The following RP1 variants were observed in gnomAD, a reference collection of about 807,000 sequenced individuals.
RP1 encodes RP1 axonemal microtubule associated, also known as oxygen-regulated protein 1.
In RP1, 16 loss-of-function variants were observed where a neutral mutation model predicts 14.8. The ratio of observed to expected loss-of-function variants is 1.08; its 90% CI spans 0.73 to 1.65. RP1 has a LOEUF of 1.65. Ranked by LOEUF, RP1 falls within the 40% of genes most tolerant of loss-of-function variation. RP1 has a pLI of 0.00. For missense variants in RP1, 2,631 were observed against 2,535.0 expected, an observed-to-expected ratio of 1.04 and a Z score of -0.81; for synonymous variants, 876 against 883.6, an observed-to-expected ratio of 0.99 and a Z score of 0.15.
intron 12 of RP1, among the ~76,000 whole-genome samples, chr8:54,698,398 A>G (rs1344333843): frequency 6.6e-6 from 1 of 152,212 alleles, no homozygotes; most frequent in East Asian, 1.9e-4. Context: ...CAGATACTGG[A>G]GAGGATGTGG....
At chr8:54,752,476 T>G (rs1384127714) in intron 19 of RP1, among the ~76,000 whole-genome samples, 2 of 152,106 alleles carry the variant, frequency 1.3e-5, no homozygotes, top group African/African-American at 4.8e-5. Context: ...ATCCCCTAAT[T>G]GTTTATTTTT....
intron 6 of RP1, among the ~76,000 whole-genome samples, chr8:54,659,404 G>C (rs1446254372): frequency 1.3e-5 from 2 of 152,104 alleles, no homozygotes; most frequent in Non-Finnish European, 2.9e-5. Flanking sequence ...TATCTATATT[G>C]ATGTAAGATA....
intron 12 of RP1, among the ~76,000 whole-genome samples, chr8:54,689,154 A>T (rs1475783412): frequency 1.3e-5 from 2 of 152,072 alleles, no homozygotes; most frequent in Non-Finnish European, 2.9e-5. Flanking sequence ...ATTTTTTTAC[A>T]TTGATTTTGT....
chr8:54,609,755 C>T (rs1805547747), intron 1 of RP1, among the ~76,000 whole-genome samples: 1 of 152,156 alleles, frequency 6.6e-6, no homozygotes, highest in Non-Finnish European at 1.5e-5. Context: ...CCTCTACCAG[C>T]ATCACTGCCT....
intron 1 of RP1, among the ~76,000 whole-genome samples, chr8:54,590,154 G>A (rs1195512924): frequency 6.6e-6 from 1 of 152,088 alleles, no homozygotes; most frequent in Non-Finnish European, 1.5e-5. Context: ...CCCTGTCTTG[G>A]AAAATCTATT....
intron 24 of RP1, among the ~76,000 whole-genome samples, chr8:54,833,816 A>T (rs1811594074): frequency 6.6e-6 from 1 of 152,088 alleles, no homozygotes; most frequent in African/African-American, 2.4e-5. Flanking sequence ...ACATTTTCCC[A>T]GTTACTGGGG....
intron 1 of RP1, among the ~76,000 whole-genome samples, chr8:54,603,344 T>C (rs1689067385): frequency 6.6e-6 from 1 of 152,068 alleles, no homozygotes; most frequent in Non-Finnish European, 1.5e-5. Flanking sequence ...GATCAGATGG[T>C]TGTAGATATG....
intron 12 of RP1, among the ~76,000 whole-genome samples, chr8:54,686,830 A>G (rs528472047): frequency 6.6e-6 from 1 of 152,174 alleles, no homozygotes; most frequent in Non-Finnish European, 1.5e-5. Context: ...AGTTTTTTTA[A>G]TTTTATAATA....
intron 1 of RP1, among the ~76,000 whole-genome samples, chr8:54,582,099 T>C (rs931232846): frequency 6.6e-6 from 1 of 152,224 alleles, no homozygotes; most frequent in African/African-American, 2.4e-5. Flanking sequence ...CTGAATGGTA[T>C]TGCCTAGGTT....
intron 1 of RP1, among the ~76,000 whole-genome samples, chr8:54,596,335 T>C (rs554650947): frequency 6.6e-6 from 1 of 152,332 alleles, no homozygotes; most frequent in South Asian, 2.1e-4. Context: ...ATCACAACTG[T>C]AAATCTACAA....
intron 1 of RP1, among the ~76,000 whole-genome samples, chr8:54,602,889 T>G (rs1016156102): frequency 4.6e-5 from 7 of 152,098 alleles, no homozygotes; most frequent in African/African-American, 1.7e-4. Flanking sequence ...GGGTTGTTTG[T>G]TTTTTTCTTG....
chr8:54,753,433 G>A (rs1809422402), intron 19 of RP1, among the ~76,000 whole-genome samples: 2 of 152,178 alleles, frequency 1.3e-5, no homozygotes, highest in South Asian at 4.1e-4. Context: ...GGATCACAAA[G>A]TAGGGTTACT....
intron 25 of RP1, among the ~76,000 whole-genome samples, chr8:54,839,603 C>T (rs1811744526): frequency 1.3e-5 from 2 of 152,126 alleles, no homozygotes; most frequent in African/African-American, 2.4e-5. Context: ...TTCTTTGAAC[C>T]CTCCCTGTCC....
At chr8:54,721,252 C>T (rs1383794688) in intron 16 of RP1, among the ~76,000 whole-genome samples, 1 of 152,202 alleles carries the variant, frequency 6.6e-6, no homozygotes, top group African/African-American at 2.4e-5. Context: ...TTACTGCCAT[C>T]CATACCACCA....
intron 26 of RP1, among the ~76,000 whole-genome samples, chr8:54,854,703 G>A (rs1812147788): frequency 6.6e-6 from 1 of 151,930 alleles, no homozygotes; most frequent in South Asian, 2.1e-4. Flanking sequence ...TGCCTTTACT[G>A]AAAATACAAA....
intron 1 of RP1, among the ~76,000 whole-genome samples, chr8:54,606,385 G>T (rs1325178397): frequency 6.6e-6 from 1 of 151,520 alleles, no homozygotes. Context: ...CTCTCTTCTG[G>T]CTTGTAGGGT....
intron 24 of RP1, among the ~76,000 whole-genome samples, chr8:54,829,338 A>G (rs1344979229): frequency 6.6e-6 from 1 of 152,370 alleles, no homozygotes; most frequent in East Asian, 1.9e-4. Flanking sequence ...TTTCCAAAAC[A>G]TCATGGGAAC....
At chr8:54,726,198 A>G (rs961718280) in intron 16 of RP1, 32 of 912,272 alleles carry the variant, frequency 3.5e-5, no homozygotes, top group Non-Finnish European at 4.8e-5. Context: ...TCTGTTAACT[A>G]TGTAATTCTG....
At chr8:54,665,503 G>A (rs1201571126) in intron 7 of RP1, among the ~76,000 whole-genome samples, 2 of 152,170 alleles carry the variant, frequency 1.3e-5, no homozygotes, top group African/African-American at 4.8e-5. Context: ...AGCTGGAAAA[G>A]ATGAGTTGCT....
Sources: gnomAD v4.1 joint callset for allele counts (sites outside exome capture counted in the v4.1 genomes callset) on GRCh38, gnomAD v4.1.1 for gene constraint, MANE v1.5 for transcripts, NCBI Gene and HGNC (gene_info 2026-07-23, HGNC 2026-07-21) for gene names.